The following EFCAB3 variants were observed in gnomAD, a reference collection of about 807,000 sequenced individuals.
EFCAB3 encodes the protein EF-hand calcium binding domain 3.
In EFCAB3, 36 loss-of-function variants were observed where a neutral mutation model predicts 42.2. That is an observed-to-expected ratio of 0.85 (90% CI 0.65 to 1.13). The LOEUF (loss-of-function observed/expected upper bound fraction) is 1.13, where lower values mean the gene tolerates loss of function less well. EFCAB3 is among the 50% of genes most tolerant of loss of function. EFCAB3 has a pLI of 0.00. For synonymous variants in EFCAB3, 170 were observed against 172.8 expected, an observed-to-expected ratio of 0.98 and a Z score of 0.13; for missense variants, 418 against 505.1, an observed-to-expected ratio of 0.83 and a Z score of 1.65.
At chr17:62,406,719 G>T (rs2070451427) in intron 7 of EFCAB3, 46 bp downstream of exon 7, 3 of 1,594,696 alleles carry the variant, frequency 1.9e-6, no homozygotes, top group Non-Finnish European at 1.7e-6. Context: ...GGATTTATTT[G>T]TATATGACTG....
chr17:62,392,033 T>C lies in EFCAB3; in HGVS notation c.295+68T>C, dbSNP rs191596287. On this transcript the variant is annotated intron_variant, in intron 4 of 9. Coordinates refer to ENST00000305286, the MANE Select transcript of EFCAB3 (RefSeq NM_173503.4). The stretch of plus-strand genomic sequence containing the variant: ...TTGTGAATATATAGTTTTCTTTTAA[T>C]GACTGTATAAACATGAGAAACAAAT... The C allele has an allele frequency of 6.3e-4, 938 of 1,491,496 alleles. 3 individuals are homozygous for C. The African/African-American group carries it at 7.9e-3, about 12-fold the overall frequency. The allele number at this position is 1,491,496 out of a possible 1,614,324, so 92.4% of individuals were successfully genotyped here.
intron 1 of EFCAB3, among the ~76,000 whole-genome samples, chr17:62,382,420 TTGTGTGTGTG>T (rs145389859): frequency 6.7e-6 from 1 of 150,008 alleles, no homozygotes; most frequent in Non-Finnish European, 1.5e-5. Context: ...TAGTTACTAT[TTGTGTGTGTG>T]TGTGTGTGTA....
Position 62,406,638 on chromosome 17 carries a change from A to G in EFCAB3, c.647A>G (p.Glu216Gly), listed in dbSNP as rs2070450883. Reference sequence around the variant, plus strand: ...GCTGCCCGGATTGCAATAATGAAAGAAAAGGATTTATTTAAATTTCTTGAA... The same window carrying G: ...GCTGCCCGGATTGCAATAATGAAAGGAAAGGATTTATTTAAATTTCTTGAA... Reference protein sequence around the residue: ...ANAARIAIMKEKDLFKFLEEL... With the variant: ...ANAARIAIMKGKDLFKFLEEL... Residue 216 changes from glutamate (E) to glycine (G), a missense_variant, in exon 7 of 10, where the codon GAA becomes GGA. Transcript: ENST00000305286. 1.9e-6 allele frequency: 3 copies of G among 1,613,974 alleles called. No individual in the cohort carries two copies. Among genetic ancestry groups the G allele is most frequent in the Non-Finnish European group, 2.5e-6 (3 of 1,179,982 alleles).
At chr17:62,411,768 TAAAG>T (rs201372879) in intron 8 of EFCAB3, among the ~76,000 whole-genome samples, 1,486 of 119,098 alleles carry the variant, frequency 0.012, 29 homozygotes, top group Middle Eastern at 0.043. Context: ...ACTCTGTCTC[TAAAG>T]AAAGAAAGAA....
intron 6 of EFCAB3, 115 bp downstream of exon 6, chr17:62,395,303 G>A (rs796774944): frequency 7.4e-7 from 1 of 1,345,086 alleles, no homozygotes; most frequent in Non-Finnish European, 1.0e-6. Flanking sequence ...CAAAACTAAG[G>A]AGAAGAAGGT....
chr17:62,386,853 A>G (rs1247703469), intron 2 of EFCAB3, among the ~76,000 whole-genome samples: 4 of 152,108 alleles, frequency 2.6e-5, no homozygotes, highest in Non-Finnish European at 5.9e-5. Context: ...TAGTGGTGCA[A>G]TCATGACTCA....
chr17:62,416,183 C>G lies in EFCAB3; in HGVS notation c.1171C>G (p.Pro391Ala), dbSNP rs1442014702. 7.4e-6 allele frequency: 12 copies of G among 1,613,842 alleles called. No homozygotes were observed. In the Admixed American group the frequency reaches 1.3e-4, roughly 18 times the overall value. ...SWNVCQELLS[P>A]KDLRLYDAYV... ...GAATGTTTGCCAAGAATTACTTTCT[C>G]CTAAGGACTTAAGGTTATATGATGC... Residue 391 changes from proline (P) to alanine (A), a missense_variant, in exon 10 of 10, where the codon CCT (proline) becomes GCT (alanine). Pro to Ala is a conservative substitution (Grantham distance 27). Transcript: ENST00000305286.
intron 8 of EFCAB3, among the ~76,000 whole-genome samples, chr17:62,409,661 T>TC (rs911973286): frequency 5.6e-4 from 85 of 151,826 alleles, no homozygotes; most frequent in African/African-American, 1.9e-3. Context: ...TTCCTGATTT[T>TC]TTTCATAACA....
chr17:62,398,127 A>G, intron 6 of EFCAB3: 1 of 287,266 alleles, frequency 3.5e-6, no homozygotes, highest in South Asian at 4.9e-5. Context: ...GCACGAAGGA[A>G]AGACCAAGAT....
intron 4 of EFCAB3, among the ~76,000 whole-genome samples, chr17:62,392,738 C>A (rs1030020795): frequency 1.3e-5 from 2 of 151,978 alleles, no homozygotes; most frequent in East Asian, 3.9e-4. Flanking sequence ...CCTGGGTTCA[C>A]ACCATTCTCC....
intron 8 of EFCAB3, among the ~76,000 whole-genome samples, chr17:62,413,477 C>T (rs1441345321): frequency 6.6e-6 from 1 of 152,168 alleles, no homozygotes; most frequent in Admixed American, 6.6e-5. Context: ...AAAGGACAGA[C>T]CTCACACCTT....
chr17:62,414,711 T>C lies in EFCAB3; in HGVS notation c.990+857T>C, dbSNP rs199956082. 3.9e-5 allele frequency among the ~76,000 whole-genome samples: 6 copies of C among 152,276 alleles called. No individual in the cohort carries two copies. The East Asian group carries it at 1.2e-3, about 29-fold the overall frequency. On this transcript the variant is annotated intron_variant, in intron 9 of 9. Transcript: ENST00000305286. ...GTCTCAGTTGATAGCATCTACTCAG[T>C]CACTGAAGCTAGAAAGCCAGGAGCT... is the stretch of plus-strand genomic sequence containing the variant.
chr17:62,380,296 C>G (rs1229950650), upstream of EFCAB3, among the ~76,000 whole-genome samples: 2 of 152,222 alleles, frequency 1.3e-5, no homozygotes, highest in Non-Finnish European at 2.9e-5. Context: ...GCCACCACAC[C>G]CAGCCTGATG....
chr17:62,393,750 G>A (rs2070324901), intron 5 of EFCAB3, 106 bp downstream of exon 5: 9 of 929,316 alleles, frequency 9.7e-6, no homozygotes, highest in Middle Eastern at 4.3e-4. Flanking sequence ...GGAAGGTGTA[G>A]TCTGGGATGT....
intron 6 of EFCAB3, among the ~76,000 whole-genome samples, chr17:62,405,329 A>C (rs1447801410): frequency 6.6e-6 from 1 of 152,238 alleles, no homozygotes; most frequent in African/African-American, 2.4e-5. Flanking sequence ...CCACTGCTTC[A>C]GCCCCAACAT....
chr17:62,396,885 AT>A (rs1341771232), intron 6 of EFCAB3, among the ~76,000 whole-genome samples: 2 of 152,166 alleles, frequency 1.3e-5, no homozygotes, highest in South Asian at 2.1e-4. Context: ...CTCTAAAAAA[AT>A]AAAATAAAAA....
At chr17:62,392,820 G>A (rs866952648) in intron 4 of EFCAB3, among the ~76,000 whole-genome samples, 7 of 152,082 alleles carry the variant, frequency 4.6e-5, no homozygotes, top group South Asian at 4.2e-4. Context: ...TGTATTTTTA[G>A]TAGATACAGG....
chr17:62,386,015 C>T (rs942648577), intron 2 of EFCAB3, among the ~76,000 whole-genome samples: 3 of 151,942 alleles, frequency 2.0e-5, no homozygotes, highest in African/African-American at 4.8e-5. Flanking sequence ...GCATGAGCCA[C>T]CGCACCCGGC....
chr17:62,383,593 A>C (rs2070223120), intron 2 of EFCAB3, among the ~76,000 whole-genome samples: 1 of 152,208 alleles, frequency 6.6e-6, no homozygotes, highest in Non-Finnish European at 1.5e-5. Flanking sequence ...AATTGAAGAG[A>C]AATATTTTTT....
Sources: gnomAD v4.1 joint callset for allele counts (sites outside exome capture counted in the v4.1 genomes callset) on GRCh38, gnomAD v4.1.1 for gene constraint, MANE v1.5 for transcripts, NCBI Gene and HGNC (gene_info 2026-07-23, HGNC 2026-07-21) for gene names.